The following ELMO1 variants were observed in gnomAD, a reference collection of about 807,000 sequenced individuals.
The protein encoded by ELMO1 is engulfment and cell motility 1.
A neutral mutation model predicts 98.9 loss-of-function variants in ELMO1; 26 were observed. The observed-to-expected ratio is 0.26, with a 90% CI of 0.19 to 0.36. The LOEUF (loss-of-function observed/expected upper bound fraction) is 0.36, where lower values mean the gene tolerates loss of function less well. Ranked by LOEUF, ELMO1 falls within the 10% of genes least tolerant of loss-of-function variation. The pLI, the probability that ELMO1 is intolerant of heterozygous loss-of-function variation, is 1.00. For synonymous variants in ELMO1, 346 were observed against 346.0 expected (o/e 1.00, Z 0.00); for missense variants, 627 against 935.2 (o/e 0.67, Z 4.30).
At chr7:37,395,826 T>C (rs1314826061) in intron 1 of ELMO1, among the ~76,000 whole-genome samples, 4 of 152,206 alleles carry the variant, frequency 2.6e-5, no homozygotes, top group Non-Finnish European at 5.9e-5. Context: ...ATAGGGACTT[T>C]CCAAGTAAAA....
intron 16 of ELMO1, among the ~76,000 whole-genome samples, chr7:36,934,429 G>A (rs773573441): frequency 2.0e-4 from 31 of 152,306 alleles, no homozygotes; most frequent in South Asian, 8.3e-4. Context: ...CCCTCTCCCG[G>A]CACATAGCTC....
intron 2 of ELMO1, among the ~76,000 whole-genome samples, chr7:37,337,033 C>T (rs188582679): frequency 9.9e-5 from 15 of 152,192 alleles, no homozygotes; most frequent in African/African-American, 2.9e-4. Context: ...CATTTGACCC[C>T]GCAATCTCAT....
intron 1 of ELMO1, among the ~76,000 whole-genome samples, chr7:37,431,393 C>T (rs1320811459): frequency 2.0e-5 from 3 of 152,034 alleles, no homozygotes; most frequent in Non-Finnish European, 2.9e-5. Context: ...CAGGGCTATA[C>T]TATTGGCTAG....
chr7:37,324,037 G>T (rs1799660505), intron 2 of ELMO1, among the ~76,000 whole-genome samples: 1 of 152,068 alleles, frequency 6.6e-6, no homozygotes, highest in African/African-American at 2.4e-5. Context: ...GTTTATTTAG[G>T]AGATGGCCAG....
chr7:36,963,142 T>C lies in ELMO1; in HGVS notation c.1437+50157A>G, dbSNP rs373082930. 9.9e-5 allele frequency among the ~76,000 whole-genome samples: 15 copies of C among 151,858 alleles called. No homozygotes were observed. The East Asian group carries it at 1.4e-3, about 14-fold the overall frequency. Reference sequence around the variant, plus strand: ...GCTCACGCCTGTAATCCCAGCACTTTGGGAGGCCGAGGTGGGCAGATCACG... The same window carrying C: ...GCTCACGCCTGTAATCCCAGCACTTCGGGAGGCCGAGGTGGGCAGATCACG... On this transcript the variant is annotated intron_variant, in intron 16 of 21. Coordinates refer to ENST00000310758, the MANE Select transcript of ELMO1 (RefSeq NM_014800.11).
At position 37,193,302 on chromosome 7, in the gene ELMO1, C is replaced by A. The variant is rs142898777; in HGVS notation, c.1086+18084G>T. Among the ~76,000 whole-genome samples, 803 of 152,238 alleles carry A rather than the reference C, an allele frequency of 5.3e-3. 22 individuals carry two copies. In the South Asian group the frequency reaches 0.074, roughly 14 times the overall value. ...CCAGGTGGGGCTACGCAGCCCAACC[C>A]GCACAGTGATTGTATCCAACCAAGG... On this transcript the variant is annotated intron_variant, in intron 13 of 21. Transcript: ENST00000310758.
At chr7:37,260,326 G>A (rs1011595400) in intron 5 of ELMO1, among the ~76,000 whole-genome samples, 7 of 152,066 alleles carry the variant, frequency 4.6e-5, no homozygotes, top group South Asian at 2.1e-4. Context: ...ATAGGGTGTC[G>A]ACCCCATTAA....
intron 13 of ELMO1, among the ~76,000 whole-genome samples, chr7:37,192,980 T>G (rs1419765832): frequency 4.9e-5 from 2 of 41,212 alleles, no homozygotes; most frequent in East Asian, 1.9e-3. Flanking sequence ...GATATATATA[T>G]ATATATATAT....
chr7:37,141,663 A>T (rs1787650619), intron 13 of ELMO1, among the ~76,000 whole-genome samples: 1 of 152,226 alleles, frequency 6.6e-6, no homozygotes, highest in Non-Finnish European at 1.5e-5. Context: ...TTGCCTCATG[A>T]TCCAGATAAT....
chr7:36,859,629 T>C (rs1327672325), intron 21 of ELMO1, among the ~76,000 whole-genome samples: 3 of 152,214 alleles, frequency 2.0e-5, no homozygotes, highest in African/African-American at 4.8e-5. Context: ...TCTTACTACT[T>C]GTGTGACCCT....
At chr7:37,271,764 C>T in intron 5 of ELMO1, 68 bp downstream of exon 5, 1 of 1,528,580 alleles carries the variant, frequency 6.5e-7, no homozygotes, top group Non-Finnish European at 8.9e-7. Context: ...ATTAATATCC[C>T]ACAATCACAT....
At chr7:37,272,338 G>T (rs1226875438) in intron 4 of ELMO1, among the ~76,000 whole-genome samples, 1 of 152,156 alleles carries the variant, frequency 6.6e-6, no homozygotes, top group African/African-American at 2.4e-5. Context: ...GCAAAATGTG[G>T]TCTATCCGTT....
intron 16 of ELMO1, among the ~76,000 whole-genome samples, chr7:36,912,542 CT>C (rs1318222962): frequency 6.6e-6 from 1 of 152,128 alleles, no homozygotes; most frequent in African/African-American, 2.4e-5. Context: ...ATAGTTAAAG[CT>C]CCTAAGGGCC....
chr7:36,947,843 C>A (rs1461462520), intron 16 of ELMO1, among the ~76,000 whole-genome samples: 2 of 152,188 alleles, frequency 1.3e-5, no homozygotes, highest in Non-Finnish European at 2.9e-5. Context: ...CCCATCACCT[C>A]CCCACAACCA....
chr7:37,184,539 G>A (rs1193429545), intron 13 of ELMO1, among the ~76,000 whole-genome samples: 2 of 152,172 alleles, frequency 1.3e-5, no homozygotes, highest in East Asian at 1.9e-4. Context: ...ACTTTCCAGA[G>A]GATAAAATTA....
intron 20 of ELMO1, chr7:36,862,065 C>G: frequency 3.5e-6 from 1 of 288,998 alleles, no homozygotes; most frequent in Non-Finnish European, 6.7e-6. Context: ...GCCACCAAAA[C>G]TGTGTTATTC....
At chr7:36,903,512 G>C (rs1159763947) in intron 16 of ELMO1, among the ~76,000 whole-genome samples, 2 of 152,174 alleles carry the variant, frequency 1.3e-5, no homozygotes. Context: ...GAAAGAAATA[G>C]CCTCTAAAAT....
rs190901846 is a variant in ELMO1, at chr7:37,063,463, T to A, written c.1300+33156A>T. Among the ~76,000 whole-genome samples the A allele has an allele frequency of 1.1e-4, 16 of 152,276 alleles. 1 individual carries two copies. In the East Asian group the frequency reaches 3.1e-3, roughly 29 times the overall value. Reference sequence around the variant, plus strand: ...TACTAAACAAAGTTAAAAAAAATTATAAGATAGGCATATGCTTTCCTTCCC... The same window carrying A: ...TACTAAACAAAGTTAAAAAAAATTAAAAGATAGGCATATGCTTTCCTTCCC... On this transcript the variant is annotated intron_variant, in intron 15 of 21. Transcript: ENST00000310758.
At chr7:37,117,781 C>T (rs937151973) in intron 14 of ELMO1, among the ~76,000 whole-genome samples, 5 of 152,118 alleles carry the variant, frequency 3.3e-5, no homozygotes, top group African/African-American at 1.2e-4. Flanking sequence ...AATTATGAGA[C>T]AAAGAATCAT....
Sources: gnomAD v4.1 joint callset for allele counts (sites outside exome capture counted in the v4.1 genomes callset) on GRCh38, gnomAD v4.1.1 for gene constraint, MANE v1.5 for transcripts, NCBI Gene and HGNC (gene_info 2026-07-23, HGNC 2026-07-21) for gene names.